PGGT1B: variants seen among roughly 807,000 people sequenced by gnomAD.
PGGT1B encodes the protein geranylgeranyl transferase type-1 subunit beta.
A neutral mutation model predicts 46.1 loss-of-function variants in PGGT1B; 30 were observed. The observed-to-expected ratio is 0.65, with a 90% confidence interval of 0.49 to 0.88. The LOEUF is 0.88. Among genes scored for constraint, PGGT1B ranks in the 40% least tolerant of loss-of-function variants. The pLI, the probability that PGGT1B is intolerant of heterozygous loss-of-function variation, is 0.00. For synonymous variants in PGGT1B, 170 were observed against 160.0 expected (o/e 1.06, Z -0.47); for missense variants, 376 against 455.9 (o/e 0.82, Z 1.60).
chr5:115,212,374 T>TGGCCCCCCC lies in PGGT1B; in HGVS notation c.*27_*28insGGGGGGGCC. 1 of 1,554,744 alleles carries TGGCCCCCCC rather than the reference T, an allele frequency of 6.4e-7. No individual in the cohort carries two copies. Among genetic ancestry groups the TGGCCCCCCC allele is most frequent in the Non-Finnish European group, 8.8e-7 (1 of 1,131,918 alleles). ...ACTTGAGCTACAGTTATGCTACAAA[T>TGGCCCCCCC]CCCCCCACCCTCCCAATCTAAAATC... On this transcript the variant is annotated 3_prime_UTR_variant, in exon 9 of 9. Coordinates refer to ENST00000419445, the MANE Select transcript of PGGT1B (RefSeq NM_005023.4).
chr5:115,247,813 A>T (rs555395143), intron 2 of PGGT1B, among the ~76,000 whole-genome samples: 1 of 152,310 alleles, frequency 6.6e-6, no homozygotes, highest in Admixed American at 6.5e-5. Context: ...TTCCCTCAAC[A>T]AGATAGCAAA....
chr5:115,255,193 C>T (rs1192199926), intron 1 of PGGT1B, among the ~76,000 whole-genome samples: 11 of 152,322 alleles, frequency 7.2e-5, no homozygotes, highest in Admixed American at 7.2e-4. Context: ...AGAGTAACAA[C>T]GACTTTAGGA....
At chr5:115,229,849 C>T (rs572680700) in intron 6 of PGGT1B, among the ~76,000 whole-genome samples, 1 of 152,024 alleles carries the variant, frequency 6.6e-6, no homozygotes, top group Non-Finnish European at 1.5e-5. Context: ...CAGGCACACA[C>T]AAAAACTATG....
chr5:115,211,467 G>GA lies in PGGT1B; in HGVS notation c.*934dup, dbSNP rs1257557494. 1 of 151,600 alleles carries GA rather than the reference G, an allele frequency of 6.6e-6. No homozygotes were observed. Among genetic ancestry groups the GA allele is most frequent in the Non-Finnish European group, 1.5e-5 (1 of 67,814 alleles). 9.4% of individuals were successfully genotyped at this position (151,600 alleles called of 1,614,324 possible). ...TACTTATTTAATTTGAAAAAAATTAGAAAAGTATTAGTTTGAAATTAGAGC... is the reference window on the plus strand; with the variant it reads ...TACTTATTTAATTTGAAAAAAATTAGAAAAAGTATTAGTTTGAAATTAGAGC... On this transcript the variant is annotated 3_prime_UTR_variant, in exon 9 of 9. Coordinates refer to ENST00000419445, the MANE Select transcript of PGGT1B (RefSeq NM_005023.4).
chr5:115,210,071 T>C lies in PGGT1B; in HGVS notation c.*2331A>G, dbSNP rs1032209650. 3 of 152,074 alleles carry C rather than the reference T, an allele frequency of 2.0e-5. No homozygotes were observed. The highest frequency in any genetic ancestry group is 2.1e-4 in the South Asian group (1 of 4,828). The allele number at this position is 152,074 out of a possible 1,614,324, so 9.4% of individuals were successfully genotyped here. On this transcript the variant is annotated 3_prime_UTR_variant, in exon 9 of 9. Coordinates refer to ENST00000419445, the MANE Select transcript of PGGT1B (RefSeq NM_005023.4). ...AAATAACTAAAGATCTAATAACACA[T>C]ATATATTATAGATCAAATCTAAAAA...
intron 7 of PGGT1B, among the ~76,000 whole-genome samples, chr5:115,220,147 C>A (rs967008349): frequency 6.6e-6 from 1 of 151,730 alleles, no homozygotes; most frequent in Non-Finnish European, 1.5e-5. Context: ...TATTTATACA[C>A]CCATGTTTTT....
intron 7 of PGGT1B, 103 bp downstream of exon 7, chr5:115,221,721 T>A (rs1756595486): frequency 6.3e-6 from 4 of 632,188 alleles, no homozygotes; most frequent in Non-Finnish European, 1.0e-5. Flanking sequence ...TCCAGTAGCC[T>A]AAACCTAACA....
intron 5 of PGGT1B, among the ~76,000 whole-genome samples, chr5:115,232,879 C>T (rs1174339664): frequency 6.6e-6 from 1 of 151,678 alleles, no homozygotes; most frequent in Non-Finnish European, 1.5e-5. Context: ...AGGGAGAAGC[C>T]CTTTGAAAAT....
chr5:115,252,191 T>C (rs1339964551), intron 2 of PGGT1B, among the ~76,000 whole-genome samples: 2 of 152,120 alleles, frequency 1.3e-5, no homozygotes, highest in Non-Finnish European at 2.9e-5. Flanking sequence ...TAGATATTTA[T>C]ATATTTAATT....
chr5:115,249,426 C>T (rs1327973015), intron 2 of PGGT1B, among the ~76,000 whole-genome samples: 1 of 152,134 alleles, frequency 6.6e-6, no homozygotes, highest in African/African-American at 2.4e-5. Flanking sequence ...TCATCCCTGA[C>T]GCGGGTGGCC....
chr5:115,247,472 G>T (rs1374405976), intron 2 of PGGT1B, among the ~76,000 whole-genome samples: 1 of 152,060 alleles, frequency 6.6e-6, no homozygotes, highest in Admixed American at 6.5e-5. Context: ...CATTTTAAAA[G>T]TTTTTGCCCT....
At chr5:115,227,856 T>C (rs573118353) in intron 6 of PGGT1B, among the ~76,000 whole-genome samples, 32 of 152,308 alleles carry the variant, frequency 2.1e-4, no homozygotes, top group African/African-American at 7.0e-4. Context: ...AAGTATCAGA[T>C]GGTAGTGGGC....
chr5:115,242,515 A>G (rs1211919203), intron 2 of PGGT1B, among the ~76,000 whole-genome samples: 1 of 152,114 alleles, frequency 6.6e-6, no homozygotes, highest in Non-Finnish European at 1.5e-5. Context: ...TCACTCTCCT[A>G]CTTCTGCATT....
At chr5:115,243,495 A>T (rs1757413320) in intron 2 of PGGT1B, among the ~76,000 whole-genome samples, 1 of 152,232 alleles carries the variant, frequency 6.6e-6, no homozygotes, top group Non-Finnish European at 1.5e-5. Context: ...GGCACATATC[A>T]ACAAAGACTG....
intron 6 of PGGT1B, among the ~76,000 whole-genome samples, chr5:115,229,892 C>G (rs187255863): frequency 6.6e-6 from 1 of 152,150 alleles, no homozygotes; most frequent in Admixed American, 6.5e-5. Context: ...TCAGAGGAAA[C>G]TCCAGGACAG....
chr5:115,256,963 C>A (rs190617128), intron 1 of PGGT1B, among the ~76,000 whole-genome samples: 9 of 152,240 alleles, frequency 5.9e-5, no homozygotes, highest in Admixed American at 1.3e-4. Flanking sequence ...CTTCTTTTCC[C>A]TAGAACTCAA....
intron 1 of PGGT1B, 61 bp from the exon 2 acceptor site, chr5:115,253,316 C>A: frequency 7.5e-7 from 1 of 1,327,694 alleles, no homozygotes; most frequent in Non-Finnish European, 1.0e-6. Flanking sequence ...CTGAAGTCTT[C>A]CTGGTCTAGA....
At chr5:115,215,317 G>A (rs1247251468) in intron 8 of PGGT1B, among the ~76,000 whole-genome samples, 1 of 151,242 alleles carries the variant, frequency 6.6e-6, no homozygotes, top group African/African-American at 2.4e-5. Context: ...TTTATTTTTT[G>A]AGATGTACTC....
intron 7 of PGGT1B, among the ~76,000 whole-genome samples, chr5:115,220,135 T>A (rs1357684258): frequency 2.6e-5 from 4 of 151,826 alleles, no homozygotes; most frequent in African/African-American, 7.2e-5. Flanking sequence ...GACTTGAACA[T>A]ATATTTATAC....
Sources: gnomAD v4.1 joint callset for allele counts (sites outside exome capture counted in the v4.1 genomes callset) on GRCh38, gnomAD v4.1.1 for gene constraint, MANE v1.5 for transcripts, NCBI Gene and HGNC (gene_info 2026-07-23, HGNC 2026-07-21) for gene names.